Variants in ZNF730 observed in about 807,000 individuals in gnomAD.
ZNF730 encodes the protein putative zinc finger protein 730.
In ZNF730, 12 loss-of-function variants were observed where a neutral mutation model predicts 12.6. The observed-to-expected ratio is 0.95, with a 90% CI of 0.61 to 1.54. The LOEUF (loss-of-function observed/expected upper bound fraction) is 1.54. Among genes scored for constraint, ZNF730 ranks in the 40% most tolerant of loss-of-function variants. The probability of loss-of-function intolerance (pLI) is 0.00; values close to 1 mark genes in which losing one functional copy is unlikely to be tolerated. For synonymous variants in ZNF730, 194 were observed against 195.8 expected (o/e 0.99, Z 0.08); for missense variants, 643 against 583.5 (o/e 1.10, Z -1.05).
intron 1 of ZNF730, among the ~76,000 whole-genome samples, chr19:23,106,981 C>T (rs1970399918): frequency 6.6e-6 from 1 of 151,814 alleles, no homozygotes; most frequent in Non-Finnish European, 1.5e-5. Context: ...ATAGTAATTA[C>T]TGCCTGTTTT....
chr19:23,084,115 T>A (rs1459113015), intron 1 of ZNF730, among the ~76,000 whole-genome samples: 1 of 152,186 alleles, frequency 6.6e-6, no homozygotes, highest in Non-Finnish European at 1.5e-5. Context: ...GGGGTAGGGA[T>A]CTGGTTATAT....
intron 1 of ZNF730, among the ~76,000 whole-genome samples, chr19:23,120,272 G>A (rs1436563779): frequency 6.6e-6 from 1 of 152,130 alleles, no homozygotes; most frequent in East Asian, 1.9e-4. Flanking sequence ...TGGGATTACA[G>A]GCATGAGCCA....
At chr19:23,102,345 G>T (rs1483056065) in intron 1 of ZNF730, among the ~76,000 whole-genome samples, 6 of 152,072 alleles carry the variant, frequency 3.9e-5, no homozygotes, top group Non-Finnish European at 7.4e-5. Context: ...CTCCTGTTTG[G>T]TCCCTGCCTT....
chr19:23,083,640 ATAT>A (rs1368301296), intron 1 of ZNF730, among the ~76,000 whole-genome samples: 3 of 148,618 alleles, frequency 2.0e-5, no homozygotes, highest in East Asian at 2.0e-4. Flanking sequence ...GTTAGGTTGT[ATAT>A]TATTGTAGTT....
chr19:23,100,659 T>G (rs1213718219), intron 1 of ZNF730, among the ~76,000 whole-genome samples: 1 of 18,746 alleles, frequency 5.3e-5, no homozygotes, highest in Non-Finnish European at 1.4e-4. Flanking sequence ...TTTTTTTTTT[T>G]TTTTTTTTTT....
chr19:23,138,362 A>G (rs1345164716), intron 3 of ZNF730, among the ~76,000 whole-genome samples: 5 of 151,970 alleles, frequency 3.3e-5, no homozygotes, highest in Admixed American at 3.3e-4. Flanking sequence ...GTGGGTTTCC[A>G]TGTAGGTAGA....
intron 1 of ZNF730, among the ~76,000 whole-genome samples, chr19:23,104,194 C>T (rs577970497): frequency 5.3e-5 from 8 of 150,572 alleles, no homozygotes; most frequent in Non-Finnish European, 1.0e-4. Flanking sequence ...CTCAGCTACT[C>T]GGGAGGCTGA....
At chr19:23,085,633 C>G (rs1970048459) in intron 1 of ZNF730, among the ~76,000 whole-genome samples, 1 of 145,646 alleles carries the variant, frequency 6.9e-6, no homozygotes, top group Admixed American at 7.0e-5. Flanking sequence ...GCCTCTGCCT[C>G]TCTAGTAGAT....
intron 3 of ZNF730, chr19:23,144,045 G>C (rs1330876171): frequency 6.7e-6 from 1 of 150,306 alleles, no homozygotes; most frequent in African/African-American, 2.5e-5. Flanking sequence ...CAATATTTTT[G>C]TTCTTATCTT....
intron 1 of ZNF730, among the ~76,000 whole-genome samples, chr19:23,080,969 C>G (rs887104940): frequency 6.6e-6 from 1 of 151,502 alleles, no homozygotes; most frequent in African/African-American, 2.4e-5. Flanking sequence ...CCTCTGCCTC[C>G]CAAGTAGCTG....
intron 1 of ZNF730, among the ~76,000 whole-genome samples, chr19:23,077,464 G>A (rs557569178): frequency 4.3e-4 from 41 of 96,346 alleles, no homozygotes; most frequent in Admixed American, 1.0e-3. Context: ...TTGAGATGGC[G>A]TTTCACTCTG....
At chr19:23,076,059 T>TA (rs1969853645) in intron 1 of ZNF730, among the ~76,000 whole-genome samples, 1 of 114,920 alleles carries the variant, frequency 8.7e-6, no homozygotes, top group Admixed American at 7.4e-5. Flanking sequence ...AGCAGGGCTC[T>TA]AATCCACTTT....
In ZNF730 at chr19:23,146,601, T is replaced by C. The variant is rs991764924; in HGVS notation, c.*45T>C. ...AAGCTTTTAAACAATCTTTATACCT[T>C]ACTACACATAAGATAATTCATACTG... On this transcript the variant is annotated 3_prime_UTR_variant, in exon 4 of 4. Transcript: ENST00000597761. 1.3e-6 allele frequency: 2 copies of C among 1,586,344 alleles called. No homozygotes were observed. The highest frequency in any genetic ancestry group is 2.2e-5 in the East Asian group (1 of 44,676).
At chr19:23,144,571 G>A (rs1334788461) in intron 3 of ZNF730, among the ~76,000 whole-genome samples, 1 of 151,840 alleles carries the variant, frequency 6.6e-6, no homozygotes, top group African/African-American at 2.4e-5. Flanking sequence ...GTGGTGGCAT[G>A]TGCCTGTAGT....
At chr19:23,124,960 C>A (rs1460358209) in intron 1 of ZNF730, among the ~76,000 whole-genome samples, 1 of 152,102 alleles carries the variant, frequency 6.6e-6, no homozygotes, top group Admixed American at 6.5e-5. Context: ...GTGGTAGGAA[C>A]CCAGATGGAG....
At chr19:23,077,257 C>A (rs1003927479) in intron 1 of ZNF730, among the ~76,000 whole-genome samples, 1 of 151,940 alleles carries the variant, frequency 6.6e-6, no homozygotes, top group Admixed American at 6.6e-5. Context: ...AAATAATCTT[C>A]ACAACAAACC....
rs150788572 is a variant in ZNF730 at position 23,138,832 on chromosome 19, C to A, written c.226+2789C>A. ...TCTTCAGCCTTAATGTACCATGTAG[C>A]TGTCATTACAGGTTTGAGCCATGAT... On this transcript the variant is annotated intron_variant, in intron 3 of 3. Transcript: ENST00000597761. Among the ~76,000 whole-genome samples the A allele has an allele frequency of 5.3e-4, 80 of 152,208 alleles. 1 individual carries two copies. The highest frequency in any genetic ancestry group is 1.9e-3 in the African/African-American group (79 of 41,532).
chr19:23,085,496 CTTTT>C lies in ZNF730; in HGVS notation c.-94+10137_-94+10140del, dbSNP rs58871710. 6.1e-3 allele frequency among the ~76,000 whole-genome samples: 324 copies of C among 52,762 alleles called. 7 individuals carry two copies. The highest frequency in any genetic ancestry group is 0.013 in the African/African-American group (208 of 15,752). 34.6% of individuals were successfully genotyped at this position (52,762 alleles called of 152,430 possible). A position where few individuals can be genotyped will look rare whatever the true frequency, so the allele number is the denominator to read the frequency against. ...TACAGGCATGAGCCACCATGCCCGT[CTTTT>C]TTTTTTTTTTTTTTTTTTTTTTTTT... On this transcript the variant is annotated intron_variant, in intron 1 of 2. Coordinates refer to the ZNF730 transcript ENST00000593635.
rs560933714 is a variant in ZNF730 at position 23,092,313 on chromosome 19, G to A, written c.-94+16926G>A. Among the ~76,000 whole-genome samples, 35 of 152,214 alleles carry A rather than the reference G, an allele frequency of 2.3e-4. No homozygotes were observed. In the South Asian group the frequency reaches 6.8e-3, roughly 30 times the overall value. On this transcript the variant is annotated intron_variant, in intron 1 of 2. Coordinates refer to the ZNF730 transcript ENST00000593635. ...ACAGATTAATATAAATGGGGTTGGTGGCCAGGTGCTGTGGCTCTTGCCTGT... is the reference window on the plus strand; with the variant it reads ...ACAGATTAATATAAATGGGGTTGGTAGCCAGGTGCTGTGGCTCTTGCCTGT...
Sources: allele counts gnomAD v4.1 joint callset (sites outside exome capture counted in the v4.1 genomes callset), GRCh38; gene constraint gnomAD v4.1.1; transcripts MANE v1.5; gene names NCBI Gene and HGNC (gene_info 2026-07-23, HGNC 2026-07-21).